The following ADGRL2 variants were observed in gnomAD, a reference collection of about 807,000 sequenced individuals.
ADGRL2 encodes the protein calcium-independent alpha-latrotoxin receptor 2.
In ADGRL2, 44 loss-of-function variants were observed where a neutral mutation model predicts 157.4. That is an observed-to-expected ratio of 0.28 (90% confidence interval 0.22 to 0.36). The LOEUF is 0.36. ADGRL2 is among the 10% of genes least tolerant of loss of function. The pLI is 1.00. For synonymous variants in ADGRL2, 585 were observed against 624.7 expected (o/e 0.94, Z 0.95); for missense variants, 1,510 against 1,768.9 (o/e 0.85, Z 2.63).
At chr1:81,885,579 C>A (rs2094109709) in intron 2 of ADGRL2, among the ~76,000 whole-genome samples, 1 of 152,108 alleles carries the variant, frequency 6.6e-6, no homozygotes, top group Non-Finnish European at 1.5e-5. Context: ...CCTGTTCAGT[C>A]AAGCTGAGTG....
At chr1:81,346,248 T>C (rs1408933267) in intron 1 of ADGRL2, among the ~76,000 whole-genome samples, 2 of 152,210 alleles carry the variant, frequency 1.3e-5, no homozygotes, top group Non-Finnish European at 2.9e-5. Context: ...CCATTATGCT[T>C]ATGTAGAAAT....
At chr1:81,459,007 G>T in intron 2 of ADGRL2, among the ~76,000 whole-genome samples, 1 of 152,160 alleles carries the variant, frequency 6.6e-6, no homozygotes, top group East Asian at 1.9e-4. Flanking sequence ...AGTGGAGAGG[G>T]GATCTGAGAG....
chr1:81,340,351 G>A (rs1484363175), intron 1 of ADGRL2, among the ~76,000 whole-genome samples: 26 of 152,112 alleles, frequency 1.7e-4, no homozygotes, highest in Admixed American at 1.7e-3. Flanking sequence ...CCAAGCTTCT[G>A]CTTTTTGAAG....
chr1:81,541,217 A>G, intron 2 of ADGRL2, among the ~76,000 whole-genome samples: 1 of 152,214 alleles, frequency 6.6e-6, no homozygotes, highest in East Asian at 1.9e-4. Context: ...AAATCTTAAA[A>G]TATTATGTCT....
intron 2 of ADGRL2, among the ~76,000 whole-genome samples, chr1:81,554,262 C>T (rs1030442983): frequency 2.6e-5 from 4 of 152,196 alleles, no homozygotes; most frequent in African/African-American, 9.7e-5. Context: ...TGTGAATGGC[C>T]TCGTCAGCAT....
chr1:81,670,082 CT>C (rs34330110), intron 3 of ADGRL2, among the ~76,000 whole-genome samples: 17,714 of 151,984 alleles, frequency 0.12, 1,153 homozygotes, highest in South Asian at 0.16. Flanking sequence ...TGTTCAGAGA[CT>C]TTTTGTTTAT....
chr1:81,692,999 G>A (rs2083373063), intron 3 of ADGRL2, among the ~76,000 whole-genome samples: 1 of 152,050 alleles, frequency 6.6e-6, no homozygotes, highest in Non-Finnish European at 1.5e-5. Context: ...TTGAACCCCT[G>A]GTGTAAAAGG....
intron 1 of ADGRL2, among the ~76,000 whole-genome samples, chr1:81,337,269 G>A (rs111378776): frequency 6.6e-6 from 1 of 152,178 alleles, no homozygotes; most frequent in Non-Finnish European, 1.5e-5. Context: ...TGTTAAACGC[G>A]TAAGACATTC....
intron 1 of ADGRL2, among the ~76,000 whole-genome samples, chr1:81,322,947 T>C (rs1433189705): frequency 6.6e-6 from 1 of 151,348 alleles, no homozygotes; most frequent in East Asian, 2.0e-4. Context: ...AACCTCCCAC[T>C]CTTTGGTTCA....
At chr1:81,860,828 A>G (rs1384222222) in intron 2 of ADGRL2, among the ~76,000 whole-genome samples, 1 of 152,098 alleles carries the variant, frequency 6.6e-6, no homozygotes, top group African/African-American at 2.4e-5. Flanking sequence ...CTAACTTCAA[A>G]ATTTTCCTTG....
At chr1:81,888,658 G>C (rs1480170219) in intron 2 of ADGRL2, among the ~76,000 whole-genome samples, 1 of 152,018 alleles carries the variant, frequency 6.6e-6, no homozygotes, top group Non-Finnish European at 1.5e-5. Context: ...CACCTTAGTA[G>C]ACCCAGGATG....
rs1008917482 is a variant in ADGRL2 at position 81,941,058 on chromosome 1, T to C, written c.398-976T>C. Among the ~76,000 whole-genome samples the C allele has an allele frequency of 4.6e-5, 7 of 151,638 alleles. No homozygotes were observed. The Middle Eastern group carries it at 0.01, about 221-fold the overall frequency. On this transcript the variant is annotated intron_variant, in intron 4 of 23. Coordinates refer to ENST00000686636, the MANE Select transcript of ADGRL2 (RefSeq NM_001366006.2). Reference sequence around the variant, plus strand: ...AATGCTCGGTATGATTGTTGTTGCATGCTAGCTTGCTTTCTATGTAAATTG... The same window carrying C: ...AATGCTCGGTATGATTGTTGTTGCACGCTAGCTTGCTTTCTATGTAAATTG...
chr1:81,548,367 T>G (rs752720083), intron 2 of ADGRL2, among the ~76,000 whole-genome samples: 15 of 151,910 alleles, frequency 9.9e-5, no homozygotes, highest in Non-Finnish European at 2.1e-4. Context: ...AGAAATTACA[T>G]CAAACTCTTC....
intron 2 of ADGRL2, among the ~76,000 whole-genome samples, chr1:81,901,238 T>TA (rs1254204956): frequency 6.6e-6 from 1 of 152,052 alleles, no homozygotes; most frequent in Non-Finnish European, 1.5e-5. Flanking sequence ...CTATTACAAA[T>TA]ACGTTCAAAA....
chr1:81,928,084 G>T (rs1439499658), intron 3 of ADGRL2, among the ~76,000 whole-genome samples: 3 of 151,940 alleles, frequency 2.0e-5, no homozygotes, highest in African/African-American at 7.2e-5. Context: ...TTGCATTGGT[G>T]CCTACCTATT....
upstream of ADGRL2, among the ~76,000 whole-genome samples, chr1:81,799,196 A>G (rs2087747375): frequency 6.6e-6 from 1 of 152,162 alleles, no homozygotes; most frequent in Admixed American, 6.5e-5. Flanking sequence ...GGTACGTTAT[A>G]AGGTTTTGCA....
chr1:81,955,938 T>A lies in ADGRL2; in HGVS notation c.1895T>A (p.Met632Lys). Residue 632 changes from methionine to lysine, a missense_variant, in exon 11 of 24, where the codon ATG (methionine) becomes AAG (lysine). By Grantham distance (95) the Met-to-Lys change is moderately conservative. Transcript: ENST00000686636. Reference sequence around the variant, plus strand: ...GAAGCTTTGGAATCATGGAAACATATGAATTCTTCTGAACAAGCACATACT... The same window carrying A: ...GAAGCTTTGGAATCATGGAAACATAAGAATTCTTCTGAACAAGCACATACT... ...RPEALESWKH[M>K]NSSEQAHTAT... The A allele has an allele frequency of 6.2e-7, 1 of 1,608,032 alleles. No homozygotes were observed. Among genetic ancestry groups the A allele is most frequent in the Admixed American group, 1.7e-5 (1 of 58,982 alleles).
chr1:81,353,959 G>A (rs1011370511), intron 1 of ADGRL2, among the ~76,000 whole-genome samples: 1 of 152,154 alleles, frequency 6.6e-6, no homozygotes, highest in Non-Finnish European at 1.5e-5. Context: ...GCATTTAATA[G>A]GTGACTATAG....
intron 2 of ADGRL2, among the ~76,000 whole-genome samples, chr1:81,781,580 T>C (rs2086813740): frequency 6.6e-6 from 1 of 152,214 alleles, no homozygotes; most frequent in Admixed American, 6.5e-5. Flanking sequence ...ATTTCCTTGT[T>C]ATCACAGGAC....
Sources: allele counts gnomAD v4.1 joint callset (sites outside exome capture counted in the v4.1 genomes callset), GRCh38; gene constraint gnomAD v4.1.1; transcripts MANE v1.5; gene names NCBI Gene and HGNC (gene_info 2026-07-23, HGNC 2026-07-21).